IL3RA: variants seen among roughly 807,000 people sequenced by gnomAD.
IL3RA encodes the protein interleukin-3 receptor subunit alpha.
Under a neutral mutation model 52.3 loss-of-function variants are expected in IL3RA, and 73 were observed. That is an observed-to-expected ratio of 1.40 (90% CI 1.16 to 1.70). IL3RA has a LOEUF of 1.70. IL3RA is among the 40% of genes most tolerant of loss of function. The pLI is 0.00. For synonymous variants in IL3RA, 260 were observed against 194.0 expected, an observed-to-expected ratio of 1.34 and a Z score of -2.83; for missense variants, 664 against 504.4, an observed-to-expected ratio of 1.32 and a Z score of -3.03.
chrX:1,379,234 C>T (rs1327448501), intron 10 of IL3RA, among the ~76,000 whole-genome samples: 4 of 152,008 alleles, frequency 2.6e-5, no homozygotes, highest in Admixed American at 1.3e-4. Context: ...CGGCTCACCG[C>T]AGCCTCCACC....
chrX:1,363,390 T>C lies in IL3RA; in HGVS notation c.760-1748T>C, dbSNP rs1228493737. Among the ~76,000 whole-genome samples, 3 of 148,900 alleles carry C rather than the reference T, an allele frequency of 2.0e-5. No homozygotes were observed. In the South Asian group the frequency reaches 6.5e-4, roughly 32 times the overall value. On this transcript the variant is annotated intron_variant, in intron 8 of 11. Transcript: ENST00000331035. ...ATCTCGGCTCACTGCAAGCTCCGCCTCCCGGGTTCCCGCCACTCTCCTGCC... is the reference window on the plus strand; with the variant it reads ...ATCTCGGCTCACTGCAAGCTCCGCCCCCCGGGTTCCCGCCACTCTCCTGCC...
chrX:1,361,607 A>G (rs2087372018), intron 8 of IL3RA, among the ~76,000 whole-genome samples: 1 of 151,814 alleles, frequency 6.6e-6, no homozygotes. Context: ...AAAATTACCC[A>G]GACGTGGTGG....
At chrX:1,354,853 A>G (rs1447144777) in intron 6 of IL3RA, among the ~76,000 whole-genome samples, 1 of 21,748 alleles carries the variant, frequency 4.6e-5, no homozygotes, top group Non-Finnish European at 8.3e-5. Flanking sequence ...GAGGAGGAGG[A>G]GGCGGGGGAG....
At chrX:1,357,141 A>AATTTAGTAGAAAGTTTAG (rs2086796649) in intron 7 of IL3RA, among the ~76,000 whole-genome samples, 1 of 152,000 alleles carries the variant, frequency 6.6e-6, no homozygotes, top group Non-Finnish European at 1.5e-5. Flanking sequence ...TTTAGTAGAA[A>AATTTAGTAGAAAGTTTAG]CAGAGTTTCA....
chrX:1,361,530 C>T (rs1603446918), intron 8 of IL3RA, among the ~76,000 whole-genome samples: 2 of 151,930 alleles, frequency 1.3e-5, no homozygotes, highest in East Asian at 3.9e-4. Context: ...GGTGGGTGGA[C>T]CACGAGGTCA....
In IL3RA at chrX:1,348,074, C is replaced by A. The variant is rs28465496; in HGVS notation, c.184-357C>A. 8.1e-4 allele frequency among the ~76,000 whole-genome samples: 116 copies of A among 143,982 alleles called. 7 individuals carry two copies. Among genetic ancestry groups the A allele is most frequent in the African/African-American group, 2.9e-3 (114 of 38,772 alleles). 94.5% of individuals were successfully genotyped at this position (143,982 alleles called of 152,430 possible). ...AACAGAAAAAAGTCTTGGCCGGGCACGGTGGCTCACGCCTGTAATCCCAGC... is the reference window on the plus strand; with the variant it reads ...AACAGAAAAAAGTCTTGGCCGGGCAAGGTGGCTCACGCCTGTAATCCCAGC... On this transcript the variant is annotated intron_variant, in intron 3 of 11. Transcript: ENST00000331035.
At chrX:1,381,329 T>C (rs1268073649) in intron 11 of IL3RA, among the ~76,000 whole-genome samples, 9 of 151,124 alleles carry the variant, frequency 6.0e-5, no homozygotes, top group Non-Finnish European at 1.0e-4. Flanking sequence ...ACCCGGGAGG[T>C]GGAGGCTGCA....
intron 2 of IL3RA, 22 bp from the exon 3 acceptor site, chrX:1,345,294 C>A: frequency 1.3e-6 from 2 of 1,538,000 alleles, no homozygotes; most frequent in South Asian, 1.1e-5. Flanking sequence ...TCTCTTCGAA[C>A]TCCAACCTGT....
intron 9 of IL3RA, among the ~76,000 whole-genome samples, chrX:1,376,678 T>G (rs2088758034): frequency 6.9e-6 from 1 of 144,816 alleles, no homozygotes; most frequent in Non-Finnish European, 1.5e-5. Context: ...GAGAGAGGCC[T>G]CAGGAGGAAC....
intron 9 of IL3RA, among the ~76,000 whole-genome samples, chrX:1,367,581 A>C (rs1263697678): frequency 2.1e-4 from 14 of 65,880 alleles, no homozygotes; most frequent in Admixed American, 6.7e-4. Context: ...GCGCGGGGTG[A>C]GCGGGGTGAG....
chrX:1,348,803 C>T (rs1192494203), intron 4 of IL3RA, among the ~76,000 whole-genome samples: 1 of 137,790 alleles, frequency 7.3e-6, no homozygotes, highest in Non-Finnish European at 1.6e-5. Context: ...TTCTTTTCTT[C>T]ACTTCCTTCC....
chrX:1,357,722 A>C (rs1250082377), intron 7 of IL3RA, among the ~76,000 whole-genome samples: 1 of 151,868 alleles, frequency 6.6e-6, no homozygotes, highest in Non-Finnish European at 1.5e-5. Flanking sequence ...CTGTAAGTCT[A>C]AATCTGCTAA....
chrX:1,365,002 T>C (rs1248949449), intron 8 of IL3RA, 136 bp from the exon 9 acceptor site: 2 of 585,196 alleles, frequency 3.4e-6, no homozygotes, highest in Admixed American at 5.9e-5. Flanking sequence ...AGAGACAGGG[T>C]TTCACCATGT....
chrX:1,346,073 G>C (rs1255855712), intron 3 of IL3RA, among the ~76,000 whole-genome samples: 4 of 151,886 alleles, frequency 2.6e-5, no homozygotes, highest in African/African-American at 9.7e-5. Context: ...CCAGCACTTT[G>C]GGAGGCTGAG....
At chrX:1,379,932 G>T (rs1444313956) in intron 10 of IL3RA, among the ~76,000 whole-genome samples, 1 of 152,186 alleles carries the variant, frequency 6.6e-6, no homozygotes. Context: ...GGCTAATTTT[G>T]TATTTTTAGT....
At chrX:1,338,993 T>C (rs2085394322) in intron 1 of IL3RA, among the ~76,000 whole-genome samples, 1 of 151,990 alleles carries the variant, frequency 6.6e-6, no homozygotes, top group Admixed American at 6.6e-5. Context: ...AGAGACTTTG[T>C]ATGTTTAGTA....
chrX:1,378,108 C>A (rs1171533768), intron 9 of IL3RA, among the ~76,000 whole-genome samples: 1 of 150,092 alleles, frequency 6.7e-6, no homozygotes, highest in African/African-American at 2.4e-5. Context: ...ATCGCTTGAA[C>A]CTGGGAGGTG....
At chrX:1,358,813 T>G (rs1302300502) in intron 7 of IL3RA, 48 bp from the exon 8 acceptor site, 2 of 1,609,850 alleles carry the variant, frequency 1.2e-6, no homozygotes, top group Non-Finnish European at 1.7e-6. Flanking sequence ...GAGGAGGCTT[T>G]CAGGGACGGT....
chrX:1,344,226 G>C (rs1389879777), intron 2 of IL3RA, among the ~76,000 whole-genome samples: 1 of 152,042 alleles, frequency 6.6e-6, no homozygotes, highest in Non-Finnish European at 1.5e-5. Context: ...GTGAGGTTGG[G>C]AGTTCGAGAC....
Sources: allele counts gnomAD v4.1 joint callset (sites outside exome capture counted in the v4.1 genomes callset), GRCh38; gene constraint gnomAD v4.1.1; transcripts MANE v1.5; gene names NCBI Gene and HGNC (gene_info 2026-07-23, HGNC 2026-07-21).